TWIST2: variants seen among roughly 807,000 people sequenced by gnomAD.
TWIST2 encodes the protein twist family bHLH transcription factor 2, also known as twist-related protein 2.
TWIST2 carries 1 observed loss-of-function variant against 11.6 expected under a neutral mutation model. The ratio of observed to expected loss-of-function variants is 0.09; its 90% confidence interval spans 0.03 to 0.41. The LOEUF (loss-of-function observed/expected upper bound fraction) is 0.41, where lower values mean the gene tolerates loss of function less well. Ranked by LOEUF, TWIST2 falls within the 10% of genes least tolerant of loss-of-function variation. TWIST2 has a pLI of 0.98. For missense variants in TWIST2, 168 were observed against 226.4 expected, an observed-to-expected ratio of 0.74 and a Z score of 1.66; for synonymous variants, 87 against 96.6, an observed-to-expected ratio of 0.90 and a Z score of 0.58.
chr2:238,873,784 G>T (rs1337606910), intron 1 of TWIST2, among the ~76,000 whole-genome samples: 2 of 152,160 alleles, frequency 1.3e-5, no homozygotes, highest in Non-Finnish European at 2.9e-5. Flanking sequence ...GTACGTTCCG[G>T]AACATCTCGA....
At chr2:238,891,247 C>A (rs1392096402) in intron 1 of TWIST2, among the ~76,000 whole-genome samples, 1 of 152,186 alleles carries the variant, frequency 6.6e-6, no homozygotes, top group Non-Finnish European at 1.5e-5. Context: ...GCCACCTTGA[C>A]CCTATCGGGA....
intron 1 of TWIST2, among the ~76,000 whole-genome samples, chr2:238,909,191 T>TTGTG (rs1217976994): frequency 0.013 from 66 of 5,270 alleles, no homozygotes; most frequent in East Asian, 0.027. Flanking sequence ...TGTGGTATGT[T>TTGTG]TGGTGTGTGT....
chr2:238,907,014 C>T (rs994539009), intron 1 of TWIST2, among the ~76,000 whole-genome samples: 2 of 152,342 alleles, frequency 1.3e-5, no homozygotes, highest in East Asian at 3.9e-4. Flanking sequence ...CACGGCCAGG[C>T]CCTGTGGTGA....
chr2:238,892,965 C>CT (rs1239135986), intron 1 of TWIST2, among the ~76,000 whole-genome samples: 1 of 152,202 alleles, frequency 6.6e-6, no homozygotes, highest in African/African-American at 2.4e-5. Flanking sequence ...CTAAAAGTAA[C>CT]TGAGTCCAGA....
intron 1 of TWIST2, among the ~76,000 whole-genome samples, chr2:238,874,733 G>A (rs1692772352): frequency 6.6e-6 from 1 of 152,192 alleles, no homozygotes; most frequent in Non-Finnish European, 1.5e-5. Context: ...TGCCTTGGAT[G>A]CTTACCCAGG....
chr2:238,908,998 T>G (rs957361877), intron 1 of TWIST2, among the ~76,000 whole-genome samples: 1 of 151,284 alleles, frequency 6.6e-6, no homozygotes. Flanking sequence ...TGTAGTATGT[T>G]TGTGTGGTGT....
chr2:238,861,581 A>G (rs1039167963), intron 1 of TWIST2, among the ~76,000 whole-genome samples: 1 of 151,858 alleles, frequency 6.6e-6, no homozygotes, highest in African/African-American at 2.4e-5. Flanking sequence ...CCTCCTCCCT[A>G]TCTCTATCTC....
intron 1 of TWIST2, among the ~76,000 whole-genome samples, chr2:238,858,841 C>T (rs1014769487): frequency 3.9e-5 from 6 of 152,128 alleles, no homozygotes; most frequent in East Asian, 1.9e-4. Flanking sequence ...AGTCAAAAGA[C>T]GGAAACAGCA....
Position 238,881,531 on chromosome 2 carries a change from G to T in TWIST2, c.*36-28311G>T, listed in dbSNP as rs541347959. ...GGTGTTAGTATTTGTTAGTATTAGT[G>T]TTGGTGTTAGTATTTATTAGTATTA... On this transcript the variant is annotated intron_variant, in intron 1 of 1. Coordinates refer to ENST00000612363, the MANE Select transcript of TWIST2 (RefSeq NM_001271893.4). Among the ~76,000 whole-genome samples the T allele has an allele frequency of 4.6e-5, 7 of 152,104 alleles. No homozygotes were observed. The South Asian group carries it at 1.5e-3, about 32-fold the overall frequency.
chr2:238,883,878 G>C (rs745415014), intron 1 of TWIST2, among the ~76,000 whole-genome samples: 53 of 152,306 alleles, frequency 3.5e-4, no homozygotes, highest in Non-Finnish European at 5.9e-4. Flanking sequence ...CATCTGCAAG[G>C]CTTCAGTAAT....
intron 1 of TWIST2, among the ~76,000 whole-genome samples, chr2:238,868,788 A>G (rs1439928136): frequency 6.6e-6 from 1 of 152,232 alleles, no homozygotes; most frequent in Non-Finnish European, 1.5e-5. Context: ...CAGGCATGGT[A>G]GGGCCGGGAC....
intron 1 of TWIST2, among the ~76,000 whole-genome samples, chr2:238,890,881 C>G (rs543901467): frequency 6.6e-6 from 1 of 152,156 alleles, no homozygotes; most frequent in Non-Finnish European, 1.5e-5. Flanking sequence ...GTTCTGCCCA[C>G]CGTCATCACA....
intron 1 of TWIST2, among the ~76,000 whole-genome samples, chr2:238,880,190 G>A (rs796811276): frequency 3.3e-5 from 4 of 119,468 alleles, no homozygotes; most frequent in African/African-American, 3.7e-5. Flanking sequence ...AGTATTTATT[G>A]GTATTGGTGT....
chr2:238,868,853 G>A (rs139699569), intron 1 of TWIST2, among the ~76,000 whole-genome samples: 2,664 of 152,328 alleles, frequency 0.017, 72 homozygotes, highest in African/African-American at 0.061. Context: ...GCCGGTGCAG[G>A]GGCTTGTGTC....
chr2:238,883,802 AG>A (rs1187576410), intron 1 of TWIST2, among the ~76,000 whole-genome samples: 2 of 152,182 alleles, frequency 1.3e-5, no homozygotes, highest in African/African-American at 4.8e-5. Context: ...AAAAGCTGAC[AG>A]GGTTATGTTG....
chr2:238,848,642 T>C lies in TWIST2; in HGVS notation c.427T>C (p.Tyr143His). 1 of 1,538,744 alleles carries C rather than the reference T, an allele frequency of 6.5e-7. No homozygotes were observed. The highest frequency in any genetic ancestry group is 8.7e-7 in the Non-Finnish European group (1 of 1,148,080). The change falls in exon 1 of 2, where the codon TAC (tyrosine) becomes CAC (histidine). Residue 143 changes from tyrosine (Y) to histidine (H), a missense_variant. Tyr to His is a moderately conservative substitution (Grantham distance 83). This residue lies in a region of TWIST2 where 62 missense variants were observed against 75.3 expected (regional missense o/e 0.82). Coordinates refer to ENST00000612363, the MANE Select transcript of TWIST2 (RefSeq NM_001271893.4). The stretch of plus-strand genomic sequence containing the variant: ...CTACGTGGCCCACGAGCGCCTCAGC[T>C]ACGCCTTCTCCGTGTGGCGCATGGA... ...CSYVAHERLS[Y>H]AFSVWRMEGA...
chr2:238,855,178 CT>C (rs1692308784), intron 1 of TWIST2, among the ~76,000 whole-genome samples: 1 of 152,192 alleles, frequency 6.6e-6, no homozygotes, highest in East Asian at 1.9e-4. Context: ...AACTTTAAAT[CT>C]CAGTCTCAGG....
At chr2:238,889,139 C>T (rs1283183460) in intron 1 of TWIST2, among the ~76,000 whole-genome samples, 1 of 152,142 alleles carries the variant, frequency 6.6e-6, no homozygotes, top group Non-Finnish European at 1.5e-5. Flanking sequence ...CTTAGAAGTC[C>T]AGCCCAAAAG....
rs1474561953 is a variant in TWIST2, at chr2:238,866,455, G to A, written c.*35+17722G>A. 6.6e-6 allele frequency among the ~76,000 whole-genome samples: 1 copy of A among 152,146 alleles called. No homozygotes were observed. The highest frequency in any genetic ancestry group is 1.5e-5 in the Non-Finnish European group (1 of 68,016). On this transcript the variant is annotated intron_variant, in intron 1 of 1. Transcript: ENST00000612363. The surrounding 1 kb of genome is among the most constrained non-coding windows in gnomAD (Gnocchi z 4.9). ...AGGCAGATCACGAGGTCAGGAATTC[G>A]AGACCAGCCTGGCCAACATGGTGAA... is the stretch of plus-strand genomic sequence containing the variant.
Sources: allele counts gnomAD v4.1 joint callset (sites outside exome capture counted in the v4.1 genomes callset), GRCh38; gene constraint gnomAD v4.1.1; regional missense constraint gnomAD v4.1.1; non-coding constraint Gnocchi (gnomAD v3.1); transcripts MANE v1.5; gene names NCBI Gene and HGNC (gene_info 2026-07-23, HGNC 2026-07-21).